Variants in TMEM132D observed in about 807,000 individuals in gnomAD.
TMEM132D encodes the protein transmembrane protein 132D, also known as mature OL transmembrane protein.
Under a neutral mutation model 62.3 loss-of-function variants are expected in TMEM132D, and 21 were observed. The ratio of observed to expected loss-of-function variants is 0.34; its 90% CI spans 0.24 to 0.49. The LOEUF is 0.49. Ranked by LOEUF, TMEM132D falls within the 20% of genes least tolerant of loss-of-function variation. The pLI is 0.99. For synonymous variants in TMEM132D, 621 were observed against 575.6 expected (o/e 1.08, Z -1.13); for missense variants, 1,346 against 1,402.8 (o/e 0.96, Z 0.65).
At chr12:129,308,574 G>A (rs957401785) in intron 4 of TMEM132D, among the ~76,000 whole-genome samples, 1 of 152,140 alleles carries the variant, frequency 6.6e-6, no homozygotes, top group African/African-American at 2.4e-5. Context: ...CAAAATACTC[G>A]ATGACCCATT....
chr12:129,367,260 G>A (rs1593353282), intron 3 of TMEM132D, among the ~76,000 whole-genome samples: 1 of 82,896 alleles, frequency 1.2e-5, no homozygotes, highest in Non-Finnish European at 3.3e-5. Context: ...CACATTATCT[G>A]TCTGTCTGTC....
intron 1 of TMEM132D, among the ~76,000 whole-genome samples, chr12:129,761,129 G>C (rs1311075768): frequency 2.0e-5 from 3 of 152,040 alleles, no homozygotes; most frequent in Non-Finnish European, 4.4e-5. Context: ...ACGCTGGTTT[G>C]GTTGCCTCCC....
At chr12:129,107,751 A>G (rs998992706) in intron 5 of TMEM132D, among the ~76,000 whole-genome samples, 1 of 152,182 alleles carries the variant, frequency 6.6e-6, no homozygotes, top group Non-Finnish European at 1.5e-5. Context: ...CAGTGGCACA[A>G]TCATAGTTCA....
At chr12:129,343,494 G>A (rs574785836) in intron 3 of TMEM132D, among the ~76,000 whole-genome samples, 1 of 152,190 alleles carries the variant, frequency 6.6e-6, no homozygotes, top group African/African-American at 2.4e-5. Context: ...GTTAATAGGT[G>A]CAGCACACCA....
chr12:129,611,992 G>A (rs1445583462), intron 2 of TMEM132D, among the ~76,000 whole-genome samples: 5 of 152,124 alleles, frequency 3.3e-5, no homozygotes, highest in South Asian at 2.1e-4. Flanking sequence ...GGCCGTGGCC[G>A]GTCGCAGTAC....
At chr12:129,645,255 A>G (rs1232688156) in intron 2 of TMEM132D, among the ~76,000 whole-genome samples, 1 of 152,040 alleles carries the variant, frequency 6.6e-6, no homozygotes, top group Non-Finnish European at 1.5e-5. Context: ...TACCAAGGCC[A>G]CCTATGCTAG....
chr12:129,526,229 T>C (rs4759959), intron 3 of TMEM132D, among the ~76,000 whole-genome samples: 31,953 of 152,110 alleles, frequency 0.21, 4,115 homozygotes, highest in African/African-American at 0.34. Flanking sequence ...GTATTCTTTA[T>C]AAATTGACAA....
At chr12:129,424,937 G>C (rs1201857287) in intron 3 of TMEM132D, among the ~76,000 whole-genome samples, 1 of 152,044 alleles carries the variant, frequency 6.6e-6, no homozygotes, top group East Asian at 1.9e-4. Flanking sequence ...CCAATTTACA[G>C]TCCATCCCGC....
In TMEM132D at chr12:129,781,684, C is replaced by T. The variant is rs144747713; in HGVS notation, c.80-80986G>A. ...AGGAAGCAAAGAACCAGAGAACACA[C>T]ATTTTGTCTTTTTAAAGGAAAGGCC... On this transcript the variant is annotated intron_variant, in intron 1 of 8. Transcript: ENST00000422113. Among the ~76,000 whole-genome samples the T allele has an allele frequency of 7.1e-3, 1,080 of 152,246 alleles. 15 individuals carry two copies. Among genetic ancestry groups the T allele is most frequent in the Admixed American group, 0.034 (521 of 15,284 alleles).
chr12:129,443,249 CCT>C (rs1872991187), intron 3 of TMEM132D, among the ~76,000 whole-genome samples: 1 of 152,218 alleles, frequency 6.6e-6, no homozygotes, highest in African/African-American at 2.4e-5. Context: ...CTGCGCAACT[CCT>C]CTGAAGACAA....
chr12:129,883,265 AGAATATT>A (rs1874659493), intron 1 of TMEM132D, among the ~76,000 whole-genome samples: 1 of 152,238 alleles, frequency 6.6e-6, no homozygotes, highest in African/African-American at 2.4e-5. Flanking sequence ...AATTTTTTAA[AGAATATT>A]ATTCCCCAAA....
intron 5 of TMEM132D, among the ~76,000 whole-genome samples, chr12:129,116,477 A>G (rs1875892084): frequency 6.6e-6 from 1 of 151,932 alleles, no homozygotes; most frequent in South Asian, 2.1e-4. Flanking sequence ...TTGGGAAACA[A>G]TAGTTGCAAA....
At chr12:129,609,024 T>C (rs1379424534) in intron 2 of TMEM132D, among the ~76,000 whole-genome samples, 2 of 150,544 alleles carry the variant, frequency 1.3e-5, no homozygotes, top group African/African-American at 4.9e-5. Flanking sequence ...CACTGCAACC[T>C]CTACCTCCTG....
intron 1 of TMEM132D, among the ~76,000 whole-genome samples, chr12:129,788,697 A>G (rs1871311289): frequency 6.6e-6 from 1 of 152,182 alleles, no homozygotes; most frequent in Non-Finnish European, 1.5e-5. Flanking sequence ...TTGAGCATAA[A>G]TTCGTGCCAG....
chr12:129,750,021 A>G (rs1363016541), intron 1 of TMEM132D, among the ~76,000 whole-genome samples: 1 of 152,222 alleles, frequency 6.6e-6, no homozygotes, highest in African/African-American at 2.4e-5. Flanking sequence ...TCTCCTGGAT[A>G]GAAAGCATTC....
At chr12:129,088,014 G>GA (rs1565959585) in intron 5 of TMEM132D, among the ~76,000 whole-genome samples, 1 of 55,000 alleles carries the variant, frequency 1.8e-5, no homozygotes, top group Non-Finnish European at 3.9e-5. Flanking sequence ...CTCCATGACC[G>GA]GGTGTCCTCC....
Position 129,827,947 on chromosome 12 carries a change from G to C in TMEM132D, c.79+75314C>G, listed in dbSNP as rs1173442919. 6.6e-6 allele frequency among the ~76,000 whole-genome samples: 1 copy of C among 152,146 alleles called. No individual in the cohort carries two copies. The highest frequency in any genetic ancestry group is 1.5e-5 in the Non-Finnish European group (1 of 68,036). ...TTGTTTATATTAATGTTAATAACTT[G>C]CTAAGTAATGATAAATGTATGATAA... is the stretch of plus-strand genomic sequence containing the variant. On this transcript the variant is annotated intron_variant, in intron 1 of 8. Coordinates refer to ENST00000422113, the MANE Select transcript of TMEM132D (RefSeq NM_133448.3). This position sits in a 1 kb window ranked among gnomAD's most constrained non-coding sequence, Gnocchi z 9.7.
chr12:129,313,470 A>G (rs1484237620), intron 4 of TMEM132D, among the ~76,000 whole-genome samples: 1 of 152,060 alleles, frequency 6.6e-6, no homozygotes, highest in Non-Finnish European at 1.5e-5. Flanking sequence ...CTCCAATCTC[A>G]TCCAGGTCAC....
chr12:129,882,219 T>C (rs1209671172), intron 1 of TMEM132D, among the ~76,000 whole-genome samples: 1 of 152,074 alleles, frequency 6.6e-6, no homozygotes, highest in Non-Finnish European at 1.5e-5. Context: ...TAGCTCCAAA[T>C]GTGTAGTCTC....
Sources: gnomAD v4.1 joint callset for allele counts (sites outside exome capture counted in the v4.1 genomes callset) on GRCh38, gnomAD v4.1.1 for gene constraint, Gnocchi (gnomAD v3.1) non-coding constraint, MANE v1.5 for transcripts, NCBI Gene and HGNC (gene_info 2026-07-23, HGNC 2026-07-21) for gene names.